Variants in PLCE1 observed in about 807,000 individuals in gnomAD.
PLCE1 encodes 1-phosphatidylinositol 4,5-bisphosphate phosphodiesterase epsilon-1.
In PLCE1, 119 loss-of-function variants were observed where a neutral mutation model predicts 242.8. The observed-to-expected ratio is 0.49, with a 90% CI of 0.42 to 0.57. The LOEUF (loss-of-function observed/expected upper bound fraction) is 0.57, where lower values mean the gene tolerates loss of function less well. Ranked by LOEUF, PLCE1 falls within the 20% of genes least tolerant of loss-of-function variation. The probability of loss-of-function intolerance (pLI) is 0.00; values close to 1 mark genes in which losing one functional copy is unlikely to be tolerated. For missense variants in PLCE1, 2,441 were observed against 2,788.8 expected, an observed-to-expected ratio of 0.88 and a Z score of 2.81; for synonymous variants, 945 against 1,017.4, an observed-to-expected ratio of 0.93 and a Z score of 1.35.
chr10:94,019,067 A>G lies in PLCE1; in HGVS notation c.-364-11616A>G, dbSNP rs545753519. ...AGGTACTACTTTTTGAGAGACTGCT[A>G]TTTCATAGGATCATTATGAGAATTA... On this transcript the variant is annotated intron_variant, in intron 1 of 32. Transcript: ENST00000371380. 2.6e-5 allele frequency among the ~76,000 whole-genome samples: 4 copies of G among 152,308 alleles called. No individual in the cohort carries two copies. In the East Asian group the frequency reaches 7.7e-4, roughly 29 times the overall value.
intron 2 of PLCE1, among the ~76,000 whole-genome samples, chr10:94,075,745 GTT>G (rs996305612): frequency 2.0e-5 from 3 of 152,220 alleles, no homozygotes; most frequent in Admixed American, 6.5e-5. Flanking sequence ...AAGGCAGGGA[GTT>G]TGGGGAGACC....
chr10:94,188,429 G>T (rs911167340), intron 4 of PLCE1, among the ~76,000 whole-genome samples: 1 of 152,128 alleles, frequency 6.6e-6, no homozygotes, highest in East Asian at 1.9e-4. Context: ...TTACACTTAA[G>T]CAGAGCCTTT....
chr10:94,193,395 G>A (rs1221961182), intron 4 of PLCE1, among the ~76,000 whole-genome samples: 1 of 152,196 alleles, frequency 6.6e-6, no homozygotes, highest in Non-Finnish European at 1.5e-5. Context: ...AGCACAGTAT[G>A]GGGAGATATT....
chr10:94,289,002 C>T (rs1052909897), intron 22 of PLCE1, among the ~76,000 whole-genome samples: 2 of 152,156 alleles, frequency 1.3e-5, no homozygotes, highest in Non-Finnish European at 2.9e-5. Context: ...TCCCCCATGG[C>T]TGTTCTGGGT....
chr10:94,266,582 A>G (rs940768782), intron 16 of PLCE1, among the ~76,000 whole-genome samples: 3 of 152,162 alleles, frequency 2.0e-5, no homozygotes, highest in African/African-American at 7.2e-5. Context: ...CTGCGTGTCC[A>G]TTGCCTCTCT....
intron 7 of PLCE1, among the ~76,000 whole-genome samples, chr10:94,241,848 A>G (rs1488865007): frequency 5.3e-5 from 8 of 151,934 alleles, no homozygotes; most frequent in African/African-American, 1.9e-4. Flanking sequence ...GAGGTAGCCT[A>G]GAGAAGAGGA....
intron 2 of PLCE1, among the ~76,000 whole-genome samples, chr10:94,084,918 A>C (rs578105266): frequency 6.6e-6 from 1 of 152,334 alleles, no homozygotes; most frequent in African/African-American, 2.4e-5. Context: ...TGGAGAAGCC[A>C]CATCAAATCC....
rs1289595789 is a variant in PLCE1 at position 94,306,170 on chromosome 10, C to T, written c.5623-257C>T. Among the ~76,000 whole-genome samples, 5 of 152,088 alleles carry T rather than the reference C, an allele frequency of 3.3e-5. No homozygotes were observed. The highest frequency in any genetic ancestry group is 7.2e-5 in the African/African-American group (3 of 41,404). ...GTATTTTAGTAGAGACAGGGTTTCACCATGTTGGCCAGGATGGTCTCAATC... is the reference window on the plus strand; with the variant it reads ...GTATTTTAGTAGAGACAGGGTTTCATCATGTTGGCCAGGATGGTCTCAATC... On this transcript the variant is annotated intron_variant, in intron 25 of 32. Coordinates refer to ENST00000371380, the MANE Select transcript of PLCE1 (RefSeq NM_016341.4). The surrounding 1 kb of genome is among the most constrained non-coding windows in gnomAD (Gnocchi z 5.7).
intron 4 of PLCE1, among the ~76,000 whole-genome samples, chr10:94,195,938 C>T (rs751377768): frequency 1.3e-5 from 2 of 152,074 alleles, no homozygotes; most frequent in Non-Finnish European, 2.9e-5. Flanking sequence ...AAGAATTAGG[C>T]CAGATGATAT....
chr10:94,220,159 G>C (rs2049673981), intron 4 of PLCE1, among the ~76,000 whole-genome samples: 1 of 150,528 alleles, frequency 6.6e-6, no homozygotes, highest in South Asian at 2.1e-4. Flanking sequence ...GAAGAACTTG[G>C]TCTAGGACAA....
intron 23 of PLCE1, among the ~76,000 whole-genome samples, chr10:94,297,590 TAAAAAA>T (rs71031568): frequency 5.7e-4 from 32 of 56,556 alleles, no homozygotes; most frequent in African/African-American, 1.4e-3. Context: ...TTTAAATTTG[TAAAAAA>T]AAAAAAAAAA....
chr10:94,158,272 G>A (rs575258366), intron 3 of PLCE1, among the ~76,000 whole-genome samples: 1 of 152,132 alleles, frequency 6.6e-6, no homozygotes, highest in South Asian at 2.1e-4. Context: ...CTGGGTAAGA[G>A]GGCATCAGAT....
chr10:94,002,739 G>A (rs1006476808), intron 1 of PLCE1, among the ~76,000 whole-genome samples: 6 of 152,164 alleles, frequency 3.9e-5, no homozygotes, highest in Non-Finnish European at 8.8e-5. Flanking sequence ...GGTCTCCTAA[G>A]AGACTCATGG....
intron 2 of PLCE1, among the ~76,000 whole-genome samples, chr10:94,061,698 T>TAA (rs796453826): frequency 3.1e-4 from 44 of 142,258 alleles, no homozygotes; most frequent in African/African-American, 9.7e-4. Context: ...AAAAAGGAAT[T>TAA]AAAAAAAAAA....
chr10:94,164,564 C>G (rs1193222329), intron 3 of PLCE1, among the ~76,000 whole-genome samples: 2 of 152,152 alleles, frequency 1.3e-5, no homozygotes, highest in Non-Finnish European at 2.9e-5. Flanking sequence ...TTTTTAACTT[C>G]TTTGCCCTGG....
At position 94,125,499 on chromosome 10, in the gene PLCE1, TCTC is replaced by T. The variant is rs983432293; in HGVS notation, c.1207-6672_1207-6670del. ...GCTCCGCCTCCTGGGTTCATGCCAT[TCTC>T]CTGCCTCAGCCTCCGGAGTAGCTGG... is the stretch of plus-strand genomic sequence containing the variant. On this transcript the variant is annotated intron_variant, in intron 2 of 32. Coordinates refer to ENST00000371380, the MANE Select transcript of PLCE1 (RefSeq NM_016341.4). 5.1e-4 allele frequency among the ~76,000 whole-genome samples: 77 copies of T among 152,204 alleles called. 1 individual carries two copies. Among genetic ancestry groups the T allele is most frequent in the African/African-American group, 1.8e-3 (75 of 41,530 alleles).
intron 4 of PLCE1, among the ~76,000 whole-genome samples, chr10:94,207,188 A>C (rs914300062): frequency 2.0e-5 from 3 of 152,148 alleles, no homozygotes; most frequent in African/African-American, 7.2e-5. Flanking sequence ...TCACAGAAGC[A>C]CATCAGTGAC....
At chr10:94,268,902 G>A (rs780098370) in intron 16 of PLCE1, 27 bp from the exon 17 acceptor site, 5 of 1,324,760 alleles carry the variant, frequency 3.8e-6, no homozygotes, top group African/African-American at 2.9e-5. Flanking sequence ...TGCTCACCTG[G>A]GGTGGATTCG....
intron 7 of PLCE1, among the ~76,000 whole-genome samples, chr10:94,238,281 A>C (rs1434768428): frequency 2.0e-5 from 3 of 152,210 alleles, no homozygotes; most frequent in Non-Finnish European, 2.9e-5. Flanking sequence ...AACAAACTTC[A>C]AGATCTCAGC....
Sources: allele counts gnomAD v4.1 joint callset (sites outside exome capture counted in the v4.1 genomes callset), GRCh38; gene constraint gnomAD v4.1.1; non-coding constraint Gnocchi (gnomAD v3.1); transcripts MANE v1.5; gene names NCBI Gene and HGNC (gene_info 2026-07-23, HGNC 2026-07-21).